The following CTNNA3 variants were observed in gnomAD, a reference collection of about 807,000 sequenced individuals.
The protein encoded by CTNNA3 is catenin alpha-3.
In CTNNA3, 76 loss-of-function variants were observed where a neutral mutation model predicts 95.7. That is an observed-to-expected ratio of 0.79 (90% CI 0.66 to 0.96). The LOEUF (loss-of-function observed/expected upper bound fraction) is 0.96, where lower values mean the gene tolerates loss of function less well. Among genes scored for constraint, CTNNA3 ranks in the 40% least tolerant of loss-of-function variants. CTNNA3 has a pLI of 0.00. For synonymous variants in CTNNA3, 431 were observed against 374.4 expected, an observed-to-expected ratio of 1.15 and a Z score of -1.74; for missense variants, 1,191 against 1,089.8, an observed-to-expected ratio of 1.09 and a Z score of -1.31.
intron 7 of CTNNA3, among the ~76,000 whole-genome samples, chr10:67,080,721 A>G (rs1857004573): frequency 6.6e-6 from 1 of 151,966 alleles, no homozygotes; most frequent in Admixed American, 6.6e-5. Context: ...CATCCTGGCT[A>G]ACACAGTGAA....
At chr10:66,793,583 C>A (rs1468686482) in intron 7 of CTNNA3, among the ~76,000 whole-genome samples, 1 of 151,936 alleles carries the variant, frequency 6.6e-6, no homozygotes, top group Non-Finnish European at 1.5e-5. Context: ...GGTATTTTAT[C>A]TAGTTTAGTA....
chr10:66,312,656 C>G (rs539021239), intron 12 of CTNNA3, among the ~76,000 whole-genome samples: 4 of 152,076 alleles, frequency 2.6e-5, no homozygotes, highest in Admixed American at 1.3e-4. Context: ...AAGAGATTCC[C>G]CTGCCTCAGC....
intron 1 of CTNNA3, chr10:67,648,622 T>G (rs1839790050): frequency 1.3e-6 from 1 of 771,458 alleles, no homozygotes; most frequent in African/African-American, 1.9e-5. Context: ...ATTCAAATTC[T>G]ATTAAGTGAA....
At chr10:66,618,328 A>AACCAAAACAGCAAGGTACTGGT (rs1175697314) in intron 10 of CTNNA3, among the ~76,000 whole-genome samples, 3 of 152,092 alleles carry the variant, frequency 2.0e-5, no homozygotes, top group Admixed American at 6.6e-5. Context: ...AGGCTACAGT[A>AACCAAAACAGCAAGGTACTGGT]ACCAAAACAG....
At chr10:66,715,682 T>C (rs1004233867) in intron 9 of CTNNA3, among the ~76,000 whole-genome samples, 1 of 152,114 alleles carries the variant, frequency 6.6e-6, no homozygotes, top group Admixed American at 6.6e-5. Context: ...ATTCTCTTGA[T>C]GAGATAGCAA....
chr10:67,165,113 C>T (rs1047971620), intron 7 of CTNNA3, among the ~76,000 whole-genome samples: 6 of 152,110 alleles, frequency 3.9e-5, no homozygotes, highest in African/African-American at 1.2e-4. Flanking sequence ...AACAGAATGT[C>T]CTACCATAGT....
At chr10:66,737,331 A>G (rs536029122) in intron 9 of CTNNA3, among the ~76,000 whole-genome samples, 18 of 152,232 alleles carry the variant, frequency 1.2e-4, no homozygotes, top group African/African-American at 3.9e-4. Context: ...TTCCGTGGCC[A>G]GTGTTGCAAA....
intron 7 of CTNNA3, among the ~76,000 whole-genome samples, chr10:67,112,095 C>T (rs1387925721): frequency 1.3e-5 from 2 of 152,098 alleles, no homozygotes; most frequent in African/African-American, 2.4e-5. Flanking sequence ...TCAGTTTGTT[C>T]TCTCAATGGA....
At chr10:67,647,841 T>C (rs1426236601) in intron 1 of CTNNA3, among the ~76,000 whole-genome samples, 1 of 151,146 alleles carries the variant, frequency 6.6e-6, no homozygotes, top group African/African-American at 2.5e-5. Context: ...AAGACACATC[T>C]TACAGCATTC....
At chr10:66,845,076 T>C (rs1019759309) in intron 7 of CTNNA3, among the ~76,000 whole-genome samples, 1 of 152,042 alleles carries the variant, frequency 6.6e-6, no homozygotes, top group Non-Finnish European at 1.5e-5. Context: ...ATACCAACAA[T>C]AGAGAACACA....
intron 9 of CTNNA3, among the ~76,000 whole-genome samples, chr10:66,739,283 G>A (rs1466017326): frequency 6.6e-6 from 1 of 152,152 alleles, no homozygotes; most frequent in Non-Finnish European, 1.5e-5. Flanking sequence ...CACACTCCCA[G>A]ACCGTCTAAT....
chr10:67,727,339 T>C (rs34020453), intron 1 of CTNNA3, among the ~76,000 whole-genome samples: 1 of 132,558 alleles, frequency 7.5e-6, no homozygotes, highest in South Asian at 2.2e-4. Flanking sequence ...TATATTATTG[T>C]ATATTATATA....
At chr10:66,438,513 C>T (rs1280344043) in intron 11 of CTNNA3, among the ~76,000 whole-genome samples, 2 of 152,104 alleles carry the variant, frequency 1.3e-5, no homozygotes, top group Non-Finnish European at 2.9e-5. Flanking sequence ...GGAAAACTGC[C>T]TACTCAAGCC....
At chr10:66,378,434 C>T (rs900163679) in intron 12 of CTNNA3, among the ~76,000 whole-genome samples, 3 of 152,142 alleles carry the variant, frequency 2.0e-5, no homozygotes, top group African/African-American at 7.2e-5. Context: ...AGGGTTTTCC[C>T]AGGAAGGAGT....
chr10:66,771,477 A>C (rs1396478218), intron 8 of CTNNA3, among the ~76,000 whole-genome samples: 1 of 152,204 alleles, frequency 6.6e-6, no homozygotes, highest in African/African-American at 2.4e-5. Context: ...AAAGGCATTT[A>C]AAACAAATAA....
chr10:67,620,397 C>T (rs917336424), intron 2 of CTNNA3, among the ~76,000 whole-genome samples: 1 of 152,110 alleles, frequency 6.6e-6, no homozygotes, highest in East Asian at 1.9e-4. Context: ...CATCTCCCAC[C>T]GTGAAATCAT....
chr10:66,988,085 T>G (rs1338310355), intron 7 of CTNNA3, among the ~76,000 whole-genome samples: 1 of 152,186 alleles, frequency 6.6e-6, no homozygotes, highest in Non-Finnish European at 1.5e-5. Context: ...AGAGACTGTA[T>G]AGTATCATGA....
intron 13 of CTNNA3, among the ~76,000 whole-genome samples, chr10:66,270,232 G>T (rs879816179): frequency 5.3e-5 from 8 of 151,204 alleles, no homozygotes; most frequent in Admixed American, 1.3e-4. Flanking sequence ...TTTGGGGGGG[G>T]GGGCAGGGTC....
At chr10:67,649,929 T>G (rs1839828991) in intron 1 of CTNNA3, among the ~76,000 whole-genome samples, 1 of 152,184 alleles carries the variant, frequency 6.6e-6, no homozygotes, top group African/African-American at 2.4e-5. Context: ...AACCTCCGCC[T>G]CCCAAGTTCA....
Sources: allele counts gnomAD v4.1 joint callset (sites outside exome capture counted in the v4.1 genomes callset), GRCh38; gene constraint gnomAD v4.1.1; transcripts MANE v1.5; gene names NCBI Gene and HGNC (gene_info 2026-07-23, HGNC 2026-07-21).